The following SEMA3E variants were observed in gnomAD, a reference collection of about 807,000 sequenced individuals.
SEMA3E encodes semaphorin 3E.
A neutral mutation model predicts 93.6 loss-of-function variants in SEMA3E; 49 were observed. The ratio of observed to expected loss-of-function variants is 0.52; its 90% CI spans 0.42 to 0.66. The LOEUF (loss-of-function observed/expected upper bound fraction) is 0.66, where lower values mean the gene tolerates loss of function less well. Among genes scored for constraint, SEMA3E ranks in the 30% least tolerant of loss-of-function variants. The probability of loss-of-function intolerance (pLI) is 0.00; values close to 1 mark genes in which losing one functional copy is unlikely to be tolerated. For synonymous variants in SEMA3E, 363 were observed against 330.7 expected, an observed-to-expected ratio of 1.10 and a Z score of -1.06; for missense variants, 906 against 964.8, an observed-to-expected ratio of 0.94 and a Z score of 0.81.
At chr7:83,503,662 A>G (rs2115612898) in intron 1 of SEMA3E, among the ~76,000 whole-genome samples, 1 of 152,340 alleles carries the variant, frequency 6.6e-6, no homozygotes, top group East Asian at 1.9e-4. Flanking sequence ...ATCCTAGGCT[A>G]CAAACCTGTT....
At chr7:83,449,392 A>G (rs6973606) in intron 4 of SEMA3E, among the ~76,000 whole-genome samples, 145,486 of 152,048 alleles carry the variant, frequency 0.96, 69,941 homozygotes, top group East Asian at 1. Flanking sequence ...GAGCCACCTC[A>G]ACTGGCCTAA....
chr7:83,522,319 G>A (rs1791066006), intron 1 of SEMA3E, among the ~76,000 whole-genome samples: 1 of 151,976 alleles, frequency 6.6e-6, no homozygotes, highest in African/African-American at 2.4e-5. Context: ...AGCTAATGGA[G>A]CTATTTCATC....
At chr7:83,388,566 G>A (rs1787930538) in intron 14 of SEMA3E, among the ~76,000 whole-genome samples, 1 of 151,778 alleles carries the variant, frequency 6.6e-6, no homozygotes, top group Admixed American at 6.6e-5. Context: ...TCAAGACTGA[G>A]GGAAAAACAG....
At chr7:83,639,108 CTCA>C (rs1562865945) in intron 1 of SEMA3E, among the ~76,000 whole-genome samples, 2 of 33,656 alleles carry the variant, frequency 5.9e-5, no homozygotes, top group African/African-American at 1.5e-4. Flanking sequence ...GAGACTCCGT[CTCA>C]AAAAAAAAAA....
rs1350303800 is a variant in SEMA3E, at chr7:83,385,356, G to A, written c.1813C>T (p.Arg605Ter). The part of the protein sequence containing the change: ...NNSTLLECTP[R>*]SLQAKVIWFV... ...CAGATAACTTTCGCTTGTAAAGATC[G>A]TGGGGTACATTCCAGCAAAGTACTG... The change falls in exon 16 of 17, where the codon CGA (arginine) becomes TGA (stop). Residue 605 changes from arginine to a stop codon, truncating the protein, a stop_gained. Coordinates refer to ENST00000643230, the MANE Select transcript of SEMA3E (RefSeq NM_012431.3). LOFTEE classifies it high-confidence loss of function. 2.5e-6 allele frequency: 4 copies of A among 1,613,442 alleles called. No individual in the cohort carries two copies. Among genetic ancestry groups the A allele is most frequent in the South Asian group, 1.1e-5 (1 of 91,076 alleles).
intron 4 of SEMA3E, among the ~76,000 whole-genome samples, chr7:83,438,960 C>T (rs1166291610): frequency 6.6e-6 from 1 of 152,166 alleles, no homozygotes; most frequent in East Asian, 1.9e-4. Flanking sequence ...TGACCACCTT[C>T]TCTGGGTTTG....
At chr7:83,624,011 G>A (rs1204871550) in intron 1 of SEMA3E, among the ~76,000 whole-genome samples, 2 of 151,988 alleles carry the variant, frequency 1.3e-5, no homozygotes, top group Non-Finnish European at 2.9e-5. Context: ...TGCTGAGAAT[G>A]ATAGTTTCTA....
At chr7:83,604,785 G>A (rs947448166) in intron 1 of SEMA3E, among the ~76,000 whole-genome samples, 36 of 151,482 alleles carry the variant, frequency 2.4e-4, no homozygotes, top group South Asian at 1.9e-3. Flanking sequence ...CACTCCCCTC[G>A]CCCCCCACCC....
chr7:83,491,019 A>G (rs1306527319), intron 1 of SEMA3E, among the ~76,000 whole-genome samples: 4 of 152,076 alleles, frequency 2.6e-5, no homozygotes, highest in Non-Finnish European at 4.4e-5. Flanking sequence ...GAGAGAGAAT[A>G]AAAACCCCAG....
Position 83,491,409 on chromosome 7 carries a change from T to C in SEMA3E, c.116-1135A>G, listed in dbSNP as rs73174574. On this transcript the variant is annotated intron_variant, in intron 1 of 16. Coordinates refer to ENST00000643230, the MANE Select transcript of SEMA3E (RefSeq NM_012431.3). ...CTGTTCCTCTGTATTAATAATATAT[T>C]CCTTATCTATATCTCTACCCTCAAA... is the stretch of plus-strand genomic sequence containing the variant. 6.7e-3 allele frequency among the ~76,000 whole-genome samples: 1,024 copies of C among 152,102 alleles called. 7 individuals are homozygous for C. The highest frequency in any genetic ancestry group is 0.013 in the South Asian group (61 of 4,832).
intron 1 of SEMA3E, among the ~76,000 whole-genome samples, chr7:83,609,707 T>C (rs1793208268): frequency 6.6e-6 from 1 of 152,004 alleles, no homozygotes; most frequent in African/African-American, 2.4e-5. Context: ...CTCATATAAA[T>C]TAAAACTTGG....
intron 1 of SEMA3E, among the ~76,000 whole-genome samples, chr7:83,542,696 G>C (rs1791561840): frequency 6.6e-6 from 1 of 152,084 alleles, no homozygotes. Context: ...GGCTAACACA[G>C]ATTGTGTTCT....
intron 1 of SEMA3E, among the ~76,000 whole-genome samples, chr7:83,531,377 TG>T (rs1791296768): frequency 8.5e-6 from 1 of 118,160 alleles, no homozygotes; most frequent in African/African-American, 2.9e-5. Flanking sequence ...GATGGAGTTT[TG>T]CTCTGTCACC....
intron 2 of SEMA3E, among the ~76,000 whole-genome samples, chr7:83,470,792 T>G (rs972111676): frequency 3.3e-5 from 5 of 152,094 alleles, no homozygotes; most frequent in Non-Finnish European, 7.4e-5. Flanking sequence ...CCCTCAATAG[T>G]CCTATGCACA....
intron 1 of SEMA3E, among the ~76,000 whole-genome samples, chr7:83,601,598 AT>A (rs1296301422): frequency 6.6e-6 from 1 of 152,176 alleles, no homozygotes; most frequent in Non-Finnish European, 1.5e-5. Flanking sequence ...CTTTCCTGAA[AT>A]TTTAGAATGG....
intron 1 of SEMA3E, among the ~76,000 whole-genome samples, chr7:83,577,821 GTAATT>G (rs1480828744): frequency 6.6e-6 from 1 of 151,864 alleles, no homozygotes; most frequent in Non-Finnish European, 1.5e-5. Context: ...AATATTGAAA[GTAATT>G]TAATATATTA....
intron 1 of SEMA3E, among the ~76,000 whole-genome samples, chr7:83,570,518 A>C (rs1426163943): frequency 8.7e-6 from 1 of 114,770 alleles, no homozygotes; most frequent in Admixed American, 1.1e-4. Context: ...CCGCCACTGC[A>C]CTCCAGCCTG....
At position 83,365,530 on chromosome 7, in the gene SEMA3E, G is replaced by A. The variant is rs1035492887; in HGVS notation, c.*2056C>T. The A allele has an allele frequency of 2.0e-5, 3 of 151,906 alleles. No homozygotes were observed. Among genetic ancestry groups the A allele is most frequent in the Non-Finnish European group, 4.4e-5 (3 of 67,980 alleles). The allele number at this position is 151,906 out of a possible 1,614,324, so 9.4% of individuals were successfully genotyped here. The stretch of plus-strand genomic sequence containing the variant: ...AATAGTCACTTTATTTTAATCAAAC[G>A]CTCTTCAGTATATGGACTTCTTATG... On this transcript the variant is annotated 3_prime_UTR_variant, in exon 17 of 17. Transcript: ENST00000643230.
chr7:83,504,328 CAA>C (rs1305516320), intron 1 of SEMA3E, among the ~76,000 whole-genome samples: 19 of 152,042 alleles, frequency 1.2e-4, no homozygotes, highest in Admixed American at 7.2e-4. Context: ...ATTATAATAA[CAA>C]AGAAAATAAC....
Sources: gnomAD v4.1 joint callset for allele counts (sites outside exome capture counted in the v4.1 genomes callset) on GRCh38, gnomAD v4.1.1 for gene constraint, MANE v1.5 for transcripts, NCBI Gene and HGNC (gene_info 2026-07-23, HGNC 2026-07-21) for gene names.